CHSY1: variants seen among roughly 807,000 people sequenced by gnomAD.
CHSY1 encodes the protein chondroitin sulfate synthase 1.
A neutral mutation model predicts 59.8 loss-of-function variants in CHSY1; 13 were observed. The observed-to-expected ratio is 0.22, with a 90% CI of 0.14 to 0.35. The LOEUF is 0.35. CHSY1 is among the 10% of genes least tolerant of loss of function. The probability of loss-of-function intolerance (pLI) is 1.00; values close to 1 mark genes in which losing one functional copy is unlikely to be tolerated. For missense variants in CHSY1, 947 were observed against 1,030.6 expected, an observed-to-expected ratio of 0.92 and a Z score of 1.11; for synonymous variants, 459 against 401.2, an observed-to-expected ratio of 1.14 and a Z score of -1.72.
intron 2 of CHSY1, among the ~76,000 whole-genome samples, chr15:101,213,670 T>C (rs1452697087): frequency 6.6e-6 from 1 of 152,166 alleles, no homozygotes; most frequent in Non-Finnish European, 1.5e-5. Flanking sequence ...TGGCATAAAT[T>C]ACGCTGAAGT....
rs987660015 is a variant in CHSY1, at chr15:101,181,614, A to G, written c.817-2634T>C. ...CTCCAGCCCCACTGGGTCATGCCAC[A>G]GGTTCCCCATGGGTCTGCTTGCAGA... On this transcript the variant is annotated intron_variant, in intron 2 of 2. Coordinates refer to ENST00000254190, the MANE Select transcript of CHSY1 (RefSeq NM_014918.5). Among the ~76,000 whole-genome samples, 5 of 152,202 alleles carry G rather than the reference A, an allele frequency of 3.3e-5. No homozygotes were observed. In the East Asian group the frequency reaches 7.7e-4, roughly 23 times the overall value.
At chr15:101,187,276 C>T (rs1487118010) in intron 2 of CHSY1, among the ~76,000 whole-genome samples, 1 of 152,106 alleles carries the variant, frequency 6.6e-6, no homozygotes, top group African/African-American at 2.4e-5. Flanking sequence ...GTCAGGAGTT[C>T]GAGACAAGCC....
intron 2 of CHSY1, among the ~76,000 whole-genome samples, chr15:101,194,051 G>A (rs2038478655): frequency 6.6e-6 from 1 of 152,228 alleles, no homozygotes; most frequent in African/African-American, 2.4e-5. Context: ...GGGCAAAGTG[G>A]GATCCAAAGG....
intron 1 of CHSY1, among the ~76,000 whole-genome samples, chr15:101,235,871 T>A (rs186264391): frequency 1.3e-5 from 2 of 152,290 alleles, no homozygotes; most frequent in African/African-American, 4.8e-5. Flanking sequence ...GTATACAGAT[T>A]AATTTTGTGA....
At position 101,177,264 on chromosome 15, in the gene CHSY1, T is replaced by C. The variant is rs2038203264; in HGVS notation, c.*124A>G. 5.9e-6 allele frequency: 5 copies of C among 840,808 alleles called. No homozygotes were observed. The Admixed American group carries it at 1.1e-4, about 19-fold the overall frequency. 52.1% of individuals were successfully genotyped at this position (840,808 alleles called of 1,614,324 possible). ...TTCAGAAAGCTCAATCTTAAAGGAG[T>C]CCTATGTAAGAAAACCACTTGTAAA... On this transcript the variant is annotated 3_prime_UTR_variant, in exon 3 of 3. Transcript: ENST00000254190.
chr15:101,175,978 T>C lies in CHSY1; in HGVS notation c.*1410A>G. On this transcript the variant is annotated 3_prime_UTR_variant, in exon 3 of 3. Coordinates refer to ENST00000254190, the MANE Select transcript of CHSY1 (RefSeq NM_014918.5). ...CATTTGATCTGAGAATTTAACTTTCTGGTATAATGACAGATTCATTTCACT... is the reference window on the plus strand; with the variant it reads ...CATTTGATCTGAGAATTTAACTTTCCGGTATAATGACAGATTCATTTCACT... 1 of 298,012 alleles carries C rather than the reference T, an allele frequency of 3.4e-6. No homozygotes were observed. Among genetic ancestry groups the C allele is most frequent in the Non-Finnish European group, 6.1e-6 (1 of 163,770 alleles). The allele number at this position is 298,012 out of a possible 1,614,324, so 18.5% of individuals were successfully genotyped here.
intron 2 of CHSY1, among the ~76,000 whole-genome samples, chr15:101,203,287 C>T (rs1567094560): frequency 6.6e-6 from 1 of 152,156 alleles, no homozygotes; most frequent in Non-Finnish European, 1.5e-5. Context: ...TTAGGCAGCC[C>T]ACTCCACAGG....
rs1283563371 is a variant in CHSY1, at chr15:101,176,293, T to C, written c.*1095A>G. ...AACAGTAATGAAAGAATGAAAACCA[T>C]CTCCACCCACATAACACAGACAGGA... On this transcript the variant is annotated 3_prime_UTR_variant, in exon 3 of 3. Coordinates refer to ENST00000254190, the MANE Select transcript of CHSY1 (RefSeq NM_014918.5). The C allele has an allele frequency of 5.0e-6, 2 of 398,344 alleles. No homozygotes were observed. Among genetic ancestry groups the C allele is most frequent in the Non-Finnish European group, 8.8e-6 (2 of 226,034 alleles). 24.7% of individuals were successfully genotyped at this position (398,344 alleles called of 1,614,324 possible). A position where few individuals can be genotyped will look rare whatever the true frequency, so the allele number is the denominator to read the frequency against.
intron 2 of CHSY1, among the ~76,000 whole-genome samples, chr15:101,223,853 T>C (rs922172433): frequency 3.3e-5 from 5 of 152,164 alleles, no homozygotes; most frequent in African/African-American, 9.7e-5. Flanking sequence ...ACTTCCACAC[T>C]GGGACTCAGG....
rs774636195 is a variant in CHSY1 at position 101,178,811 on chromosome 15, T to C, written c.986A>G (p.His329Arg). The change falls in exon 3 of 3, where the codon CAT (histidine) becomes CGT (arginine). Residue 329 changes from histidine to arginine, a missense_variant. His to Arg is a conservative substitution (Grantham distance 29, BLOSUM62 0). Coordinates refer to ENST00000254190, the MANE Select transcript of CHSY1 (RefSeq NM_014918.5). ...MLSRKISELR[H>R]RTIQLHREIV... Reference sequence around the variant, plus strand: ...TTCGCGGTGCAGCTGTATTGTGCGATGGCGGAGCTCGGATATCTTGCGGCT... The same window carrying C: ...TTCGCGGTGCAGCTGTATTGTGCGACGGCGGAGCTCGGATATCTTGCGGCT... 6.2e-6 allele frequency: 10 copies of C among 1,614,220 alleles called. No individual in the cohort carries two copies. Among genetic ancestry groups the C allele is most frequent in the South Asian group, 1.1e-5 (1 of 91,090 alleles).
At chr15:101,191,743 T>G (rs185626296) in intron 2 of CHSY1, among the ~76,000 whole-genome samples, 49 of 151,926 alleles carry the variant, frequency 3.2e-4, no homozygotes, top group African/African-American at 1.1e-3. Context: ...TCCAAAAAAC[T>G]TAATTTTTTT....
chr15:101,242,499 A>G (rs906720237), intron 1 of CHSY1: 2 of 152,228 alleles, frequency 1.3e-5, no homozygotes, highest in East Asian at 3.8e-4. Context: ...AAAACATACT[A>G]AGGCCTGAGG....
intron 2 of CHSY1, among the ~76,000 whole-genome samples, chr15:101,183,387 T>C (rs751423231): frequency 7.9e-5 from 12 of 151,914 alleles, no homozygotes; most frequent in Non-Finnish European, 1.6e-4. Context: ...TAATCAGAAA[T>C]GGAAATGGCA....
At chr15:101,237,811 G>A (rs1043860436) in intron 1 of CHSY1, among the ~76,000 whole-genome samples, 10 of 152,142 alleles carry the variant, frequency 6.6e-5, no homozygotes, top group African/African-American at 9.7e-5. Context: ...AAAATGTATC[G>A]TGGAGAATAA....
At chr15:101,203,738 A>G (rs1224138527) in intron 2 of CHSY1, among the ~76,000 whole-genome samples, 1 of 152,220 alleles carries the variant, frequency 6.6e-6, no homozygotes, top group Non-Finnish European at 1.5e-5. Context: ...AGGACACATC[A>G]CGTAGCCTGG....
At chr15:101,235,717 A>G in intron 1 of CHSY1, 140 bp from the exon 2 acceptor site, 1 of 855,148 alleles carries the variant, frequency 1.2e-6, no homozygotes, top group Non-Finnish European at 1.8e-6. Flanking sequence ...CCTCTTAACG[A>G]AAGCCCAGGT....
At position 101,235,210 on chromosome 15, in the gene CHSY1, C is replaced by T; in HGVS notation, c.688G>A (p.Glu230Lys). 6.2e-7 allele frequency: 1 copy of T among 1,613,950 alleles called. No individual in the cohort carries two copies. The highest frequency in any genetic ancestry group is 1.3e-5 in the African/African-American group (1 of 75,018). Residue 230 changes from glutamate (E) to lysine (K), a missense_variant, in exon 2 of 3, where the codon GAG (glutamate) becomes AAG (lysine). Physicochemically the swap from Glu to Lys is moderately conservative, Grantham distance 56 (BLOSUM62 1). Coordinates refer to ENST00000254190, the MANE Select transcript of CHSY1 (RefSeq NM_014918.5). ...TGCGGCACCATTCTCCGAAGCACCT[C>T]CCGGCTCATGATCACGCCAGGCCCC... ...MGGPGVIMSR[E>K]VLRRMVPHIG...
chr15:101,216,442 C>CA (rs1199090671), intron 2 of CHSY1, among the ~76,000 whole-genome samples: 16 of 152,206 alleles, frequency 1.1e-4, no homozygotes, highest in African/African-American at 3.6e-4. Context: ...AACATGCACA[C>CA]AAATGTTTAT....
chr15:101,248,487 G>A (rs1419508513), intron 1 of CHSY1, among the ~76,000 whole-genome samples: 1 of 152,248 alleles, frequency 6.6e-6, no homozygotes, highest in Admixed American at 6.5e-5. Flanking sequence ...GGAAACTTCT[G>A]TGAGAGAGCT....
Sources: allele counts gnomAD v4.1 joint callset (sites outside exome capture counted in the v4.1 genomes callset), GRCh38; gene constraint gnomAD v4.1.1; transcripts MANE v1.5; gene names NCBI Gene and HGNC (gene_info 2026-07-23, HGNC 2026-07-21).